Variants in CSMD1 observed in about 807,000 individuals in gnomAD.
CSMD1 encodes the protein CUB and Sushi multiple domains 1.
CSMD1 carries 213 observed loss-of-function variants against 417.5 expected under a neutral mutation model. The ratio of observed to expected loss-of-function variants is 0.51; its 90% CI spans 0.46 to 0.57. The LOEUF is 0.57. Among genes scored for constraint, CSMD1 ranks in the 20% least tolerant of loss-of-function variants. The probability of loss-of-function intolerance (pLI) is 0.00; values close to 1 mark genes in which losing one functional copy is unlikely to be tolerated. For synonymous variants in CSMD1, 2,862 were observed against 1,736.8 expected (o/e 1.65, Z -16.11); for missense variants, 6,923 against 4,529.7 (o/e 1.53, Z -15.17).
chr8:3,635,781 C>G (rs968765489), intron 7 of CSMD1, among the ~76,000 whole-genome samples: 1 of 130,508 alleles, frequency 7.7e-6, no homozygotes, highest in African/African-American at 3.1e-5. Flanking sequence ...CTGCGCCCAG[C>G]TGCTTCCATC....
At chr8:4,691,000 T>TACCCTC in intron 1 of CSMD1, among the ~76,000 whole-genome samples, 1 of 152,236 alleles carries the variant, frequency 6.6e-6, no homozygotes, top group Non-Finnish European at 1.5e-5. Context: ...GTGCTGGGAT[T>TACCCTC]ACAGGCATGA....
chr8:3,319,348 A>G (rs1805993589), intron 23 of CSMD1, among the ~76,000 whole-genome samples: 1 of 152,218 alleles, frequency 6.6e-6, no homozygotes, highest in South Asian at 2.1e-4. Flanking sequence ...AAATGAAAAT[A>G]TTTGCAATAC....
In CSMD1 at chr8:4,964,501, C is replaced by CAAAAAAAAAA. The variant is rs768264857; in HGVS notation, c.85+29830_85+29831insTTTTTTTTTT. On this transcript the variant is annotated intron_variant, in intron 1 of 69. Transcript: ENST00000635120. Reference sequence around the variant, plus strand: ...ATCACAACACAGCAAGACCCTGTCTCCAAAAAAAAAAAAAAAAAAAAAAAG... The same window carrying CAAAAAAAAAA: ...ATCACAACACAGCAAGACCCTGTCTCAAAAAAAAAACAAAAAAAAAAAAAAAAAAAAAAAG... Among the ~76,000 whole-genome samples, 3 of 81,058 alleles carry CAAAAAAAAAA rather than the reference C, an allele frequency of 3.7e-5. 1 individual carries two copies. Among genetic ancestry groups the CAAAAAAAAAA allele is most frequent in the Admixed American group, 1.6e-4 (1 of 6,264 alleles). The allele number at this position is 81,058 out of a possible 152,430, so 53.2% of individuals were successfully genotyped here.
At chr8:4,366,681 T>C (rs1345017957) in intron 3 of CSMD1, among the ~76,000 whole-genome samples, 1 of 152,144 alleles carries the variant, frequency 6.6e-6, no homozygotes, top group African/African-American at 2.4e-5. Flanking sequence ...TAATAGTTAC[T>C]GATGAGCGTT....
rs75628028 is a variant in CSMD1, at chr8:3,748,991, C to A, written c.931+4939G>T. ...AGTTACAGAAAATCAATGGGAATTT[C>A]ATTTTATGAAAATTGTAATTTTATA... On this transcript the variant is annotated intron_variant, in intron 6 of 69. Coordinates refer to ENST00000635120, the MANE Select transcript of CSMD1 (RefSeq NM_033225.6). 4.9e-3 allele frequency among the ~76,000 whole-genome samples: 753 copies of A among 152,228 alleles called. 7 individuals carry two copies. Among genetic ancestry groups the A allele is most frequent in the Non-Finnish European group, 8.2e-3 (556 of 67,998 alleles).
intron 1 of CSMD1, among the ~76,000 whole-genome samples, chr8:4,970,951 A>G (rs773769984): frequency 6.6e-6 from 1 of 152,112 alleles, no homozygotes; most frequent in South Asian, 2.1e-4. Context: ...TTAACATATG[A>G]TATCAGTGTG....
intron 1 of CSMD1, among the ~76,000 whole-genome samples, chr8:4,905,002 A>C (rs944204469): frequency 2.4e-4 from 36 of 152,068 alleles, no homozygotes; most frequent in Non-Finnish European, 3.8e-4. Flanking sequence ...GGTATTACTC[A>C]CTCTAAGGTA....
intron 12 of CSMD1, among the ~76,000 whole-genome samples, chr8:3,435,324 G>A (rs769922197): frequency 2.6e-5 from 4 of 152,178 alleles, no homozygotes; most frequent in African/African-American, 7.2e-5. Context: ...ATGGGGCAGA[G>A]GGGCTGAAAC....
At chr8:3,665,929 G>T (rs1028526909) in intron 7 of CSMD1, among the ~76,000 whole-genome samples, 1 of 152,108 alleles carries the variant, frequency 6.6e-6, no homozygotes, top group African/African-American at 2.4e-5. Flanking sequence ...CCAGGCTGGA[G>T]TGCAGTGGAG....
At chr8:3,434,856 C>T (rs181814917) in intron 12 of CSMD1, among the ~76,000 whole-genome samples, 6 of 152,188 alleles carry the variant, frequency 3.9e-5, no homozygotes, top group African/African-American at 1.2e-4. Context: ...ACACTCAAAT[C>T]GGAAAATTAA....
intron 3 of CSMD1, among the ~76,000 whole-genome samples, chr8:4,098,422 G>T (rs1438138443): frequency 6.6e-6 from 1 of 151,988 alleles, no homozygotes; most frequent in African/African-American, 2.4e-5. Flanking sequence ...TCAGGGTCAT[G>T]TTACATAATA....
chr8:3,135,482 C>T lies in CSMD1; in HGVS notation c.6241+6983G>A, dbSNP rs1818022323. 1.4e-5 allele frequency among the ~76,000 whole-genome samples: 2 copies of T among 140,084 alleles called. 1 individual carries two copies. Among genetic ancestry groups the T allele is most frequent in the African/African-American group, 5.3e-5 (2 of 37,964 alleles). 91.9% of individuals were successfully genotyped at this position (140,084 alleles called of 152,430 possible). On this transcript the variant is annotated intron_variant, in intron 41 of 69. Transcript: ENST00000635120. Reference sequence around the variant, plus strand: ...TGAACCGGCTTCTTCCCCTTTAAAACATGCTCTTGAGTGAAGTCTGCTGAT... The same window carrying T: ...TGAACCGGCTTCTTCCCCTTTAAAATATGCTCTTGAGTGAAGTCTGCTGAT...
chr8:3,514,673 A>G (rs1022404021), intron 10 of CSMD1, among the ~76,000 whole-genome samples: 14 of 152,132 alleles, frequency 9.2e-5, no homozygotes, highest in Middle Eastern at 3.4e-3. Context: ...TTTTTTTATC[A>G]TATTTGTAGG....
At chr8:3,284,453 C>T in intron 25 of CSMD1, 107 bp from the exon 26 acceptor site, 1 of 765,694 alleles carries the variant, frequency 1.3e-6, no homozygotes. Flanking sequence ...CCCCCACCAA[C>T]ATGTGCCTCG....
At chr8:3,902,906 T>A (rs1015256802) in intron 5 of CSMD1, among the ~76,000 whole-genome samples, 1 of 152,190 alleles carries the variant, frequency 6.6e-6, no homozygotes, top group Admixed American at 6.5e-5. Flanking sequence ...CATCCTGATC[T>A]TAACCACTTA....
At chr8:3,234,850 C>T (rs895134591) in intron 26 of CSMD1, among the ~76,000 whole-genome samples, 5 of 152,220 alleles carry the variant, frequency 3.3e-5, no homozygotes, top group Admixed American at 6.5e-5. Flanking sequence ...CAGCATTTTA[C>T]ACAAATTCTT....
At chr8:4,470,314 AG>A (rs944295467) in intron 2 of CSMD1, among the ~76,000 whole-genome samples, 2 of 152,050 alleles carry the variant, frequency 1.3e-5, no homozygotes, top group African/African-American at 4.8e-5. Flanking sequence ...ATTTCATGCT[AG>A]TTTCTACAAC....
intron 37 of CSMD1, among the ~76,000 whole-genome samples, chr8:3,168,178 A>C (rs1185781591): frequency 6.6e-6 from 1 of 152,210 alleles, no homozygotes; most frequent in African/African-American, 2.4e-5. Flanking sequence ...AGGGTCAAGA[A>C]ATCAAAATAC....
intron 1 of CSMD1, among the ~76,000 whole-genome samples, chr8:4,951,927 T>A (rs962592556): frequency 7.3e-5 from 11 of 151,460 alleles, no homozygotes; most frequent in Admixed American, 3.3e-4. Flanking sequence ...GAAAAAAAAA[T>A]TATTTTTTCC....
Sources: gnomAD v4.1 joint callset for allele counts (sites outside exome capture counted in the v4.1 genomes callset) on GRCh38, gnomAD v4.1.1 for gene constraint, MANE v1.5 for transcripts, NCBI Gene and HGNC (gene_info 2026-07-23, HGNC 2026-07-21) for gene names.